Variants in EXOC3L2 observed in about 807,000 individuals in gnomAD.
EXOC3L2 encodes exocyst complex component 3 like 2.
EXOC3L2 carries 17 observed loss-of-function variants against 44.4 expected under a neutral mutation model. The ratio of observed to expected loss-of-function variants is 0.38; its 90% CI spans 0.26 to 0.57. The LOEUF is 0.57. EXOC3L2 is among the 20% of genes least tolerant of loss of function. EXOC3L2 has a pLI of 0.65. For missense variants in EXOC3L2, 541 were observed against 588.4 expected (o/e 0.92, Z 0.83); for synonymous variants, 256 against 253.7 (o/e 1.01, Z -0.09).
Position 45,212,866 on chromosome 19 carries a change from T to C in EXOC3L2, c.*203A>G, listed in dbSNP as rs1048871284. On this transcript the variant is annotated 3_prime_UTR_variant, in exon 12 of 12. Coordinates refer to ENST00000413988, the MANE Select transcript of EXOC3L2 (RefSeq NM_001382422.1). Reference sequence around the variant, plus strand: ...CCTCCGGCCTCAGCCTCCCAAAGTGTTGGGATTACAGGCATGAGCCACCGT... The same window carrying C: ...CCTCCGGCCTCAGCCTCCCAAAGTGCTGGGATTACAGGCATGAGCCACCGT... 3.4e-5 allele frequency: 18 copies of C among 533,998 alleles called. No homozygotes were observed. The highest frequency in any genetic ancestry group is 4.9e-5 in the Non-Finnish European group (16 of 327,088). The allele number at this position is 533,998 out of a possible 1,614,324, so 33.1% of individuals were successfully genotyped here. A position where few individuals can be genotyped will look rare whatever the true frequency, so the allele number is the denominator to read the frequency against.
At chr19:45,233,951 G>C (rs1223950705) in intron 3 of EXOC3L2, among the ~76,000 whole-genome samples, 1 of 152,170 alleles carries the variant, frequency 6.6e-6, no homozygotes, top group Admixed American at 6.5e-5. Flanking sequence ...CAGTGGTGCC[G>C]GAGCTCTTAT....
intron 10 of EXOC3L2, among the ~76,000 whole-genome samples, chr19:45,216,477 G>A (rs576630852): frequency 1.3e-5 from 2 of 152,242 alleles, no homozygotes; most frequent in Admixed American, 1.3e-4. Context: ...TACTCAGGAG[G>A]CTGAAGCAGG....
At chr19:45,237,321 G>A (rs1267611022) in intron 2 of EXOC3L2, among the ~76,000 whole-genome samples, 3 of 152,090 alleles carry the variant, frequency 2.0e-5, no homozygotes, top group South Asian at 4.2e-4. Flanking sequence ...GCAACATAGC[G>A]AGACCCCCAT....
chr19:45,218,286 G>A lies in EXOC3L2; in HGVS notation c.1753C>T (p.Leu585=). 6.2e-7 allele frequency: 1 copy of A among 1,608,328 alleles called. No homozygotes were observed. Among genetic ancestry groups the A allele is most frequent in the South Asian group, 1.1e-5 (1 of 90,266 alleles). ...CCATCCAGGGCCTCCGGGCTGCTCA[G>A]CCACTTCCGGCGCATCAGCTTGTTG... ...HFNKLMRRKW[L]SSPEALDGIV... Residue 585 remains leucine, a synonymous_variant, in exon 9 of 12, where the codon CTG becomes TTG. Coordinates refer to ENST00000413988, the MANE Select transcript of EXOC3L2 (RefSeq NM_001382422.1).
At chr19:45,221,964 A>AACC (rs1468615020) in intron 8 of EXOC3L2, among the ~76,000 whole-genome samples, 1 of 150,196 alleles carries the variant, frequency 6.7e-6, no homozygotes, top group African/African-American at 2.5e-5. Context: ...CTGTTTTCTG[A>AACC]ACCTCCAAAA....
chr19:45,214,520 A>G (rs1969813307), intron 11 of EXOC3L2, among the ~76,000 whole-genome samples: 1 of 152,134 alleles, frequency 6.6e-6, no homozygotes, highest in African/African-American at 2.4e-5. Flanking sequence ...GCTGGAGTGC[A>G]GTGGCGCGAT....
chr19:45,244,572 C>T (rs781686792), intron 1 of EXOC3L2, among the ~76,000 whole-genome samples: 7 of 152,128 alleles, frequency 4.6e-5, no homozygotes, highest in Non-Finnish European at 1.0e-4. Context: ...CCCTGACTCA[C>T]TTCCGAGGCA....
At position 45,238,974 on chromosome 19, in the gene EXOC3L2, G is replaced by C; in HGVS notation, c.72C>G (p.Ser24=). The C allele has an allele frequency of 2.5e-6, 1 of 399,098 alleles. No homozygotes were observed. Among genetic ancestry groups the C allele is most frequent in the Non-Finnish European group, 4.4e-6 (1 of 226,120 alleles). The allele number at this position is 399,098 out of a possible 1,614,324, so 24.7% of individuals were successfully genotyped here. Residue 24 remains serine (S), a synonymous_variant, in exon 2 of 12, where the codon TCC becomes TCG. Transcript: ENST00000413988. The surrounding 1 kb of genome is among the most constrained non-coding windows in gnomAD (Gnocchi z 5.5). ...VPRAGTLPLR[S]SRNPFEEVSG... is the part of the protein sequence containing the mutation. ...AAACTTCTTCAAAGGGGTTCCGAGA[G>C]GACCTCAGGGGCAGGGTCCCCGCCC...
rs1279526420 is a variant in EXOC3L2 at position 45,217,682 on chromosome 19, G to A, written c.1844C>T (p.Ala615Val). The change falls in exon 10 of 12, where the codon GCG becomes GTG. Residue 615 changes from alanine (A) to valine (V), a missense_variant and splice_region_variant. Coordinates refer to ENST00000413988, the MANE Select transcript of EXOC3L2 (RefSeq NM_001382422.1). Reference protein sequence around the residue: ...LRRMQDEPYQALVAELHRRAL... With the variant: ...LRRMQDEPYQVLVAELHRRAL... ...CCGCCGGTGTAGCTCGGCTACCAGC[G>A]CCTGGAGGCGGAGGAGGGAAACCCG... The A allele has an allele frequency of 2.1e-6, 3 of 1,399,094 alleles. No homozygotes were observed. The highest frequency in any genetic ancestry group is 1.5e-5 in the African/African-American group (1 of 65,504). 86.7% of individuals were successfully genotyped at this position (1,399,094 alleles called of 1,614,324 possible). A position where few individuals can be genotyped will look rare whatever the true frequency, so the allele number is the denominator to read the frequency against.
chr19:45,239,705 G>A (rs1221461475), intron 1 of EXOC3L2, among the ~76,000 whole-genome samples: 1 of 151,750 alleles, frequency 6.6e-6, no homozygotes, highest in East Asian at 1.9e-4. Context: ...ATTTTTAGTA[G>A]ATATGTGGTT....
intron 2 of EXOC3L2, among the ~76,000 whole-genome samples, chr19:45,236,326 C>G (rs1371339657): frequency 6.6e-6 from 1 of 151,698 alleles, no homozygotes; most frequent in Non-Finnish European, 1.5e-5. Context: ...ATTAGCCAGG[C>G]ATGGTGGTGC....
At chr19:45,218,427 T>A in intron 8 of EXOC3L2, 108 bp from the exon 9 acceptor site, 1 of 1,319,592 alleles carries the variant, frequency 7.6e-7, no homozygotes, top group Non-Finnish European at 9.8e-7. Context: ...GGCTGTGCGG[T>A]GCTGGGAACA....
At chr19:45,218,634 C>T (rs909283125) in intron 8 of EXOC3L2, among the ~76,000 whole-genome samples, 1 of 152,084 alleles carries the variant, frequency 6.6e-6, no homozygotes, top group South Asian at 2.1e-4. Context: ...GACACCGGAA[C>T]TGAGGCCCTG....
chr19:45,220,802 C>T (rs74444899), intron 8 of EXOC3L2, among the ~76,000 whole-genome samples: 2,149 of 150,882 alleles, frequency 0.014, 29 homozygotes, highest in Non-Finnish European at 0.023. Context: ...TGTGCTTTAC[C>T]GAGATGGGAG....
intron 11 of EXOC3L2, 148 bp from the exon 12 acceptor site, chr19:45,213,505 C>A: frequency 3.5e-6 from 3 of 853,980 alleles, no homozygotes; most frequent in South Asian, 1.8e-5. Flanking sequence ...GCCTTCCCTC[C>A]AATCAGCTCC....
chr19:45,240,511 T>C (rs1568485213), intron 1 of EXOC3L2, among the ~76,000 whole-genome samples: 1 of 151,928 alleles, frequency 6.6e-6, no homozygotes, highest in African/African-American at 2.4e-5. Context: ...AGGGTTTCCT[T>C]TTGGGGAAAG....
At chr19:45,216,532 C>G (rs10415392) in intron 10 of EXOC3L2, 2 of 175,058 alleles carry the variant, frequency 1.1e-5, no homozygotes, top group African/African-American at 4.8e-5. Context: ...TGAGCGGAGA[C>G]TGCACCACTG....
At chr19:45,242,915 C>A (rs1970142059) in intron 1 of EXOC3L2, among the ~76,000 whole-genome samples, 2 of 151,762 alleles carry the variant, frequency 1.3e-5, no homozygotes, top group African/African-American at 4.8e-5. Flanking sequence ...CCTCCTGCCA[C>A]CTCTCCTGGT....
Position 45,238,502 on chromosome 19 carries a change from G to T in EXOC3L2, c.523+21C>A, listed in dbSNP as rs1314114518. ...TGGGCACTGGGATTCTCCCAGGACA[G>T]GGTCAGGGCTCCGGACTCACCTGAC... On this transcript the variant is annotated intron_variant, in intron 2 of 11. Coordinates refer to ENST00000413988, the MANE Select transcript of EXOC3L2 (RefSeq NM_001382422.1). This position sits in a 1 kb window ranked among gnomAD's most constrained non-coding sequence, Gnocchi z 5.5. 2.8e-5 allele frequency: 11 copies of T among 399,416 alleles called. No homozygotes were observed. The highest frequency in any genetic ancestry group is 4.9e-5 in the Non-Finnish European group (11 of 226,226). The allele number at this position is 399,416 out of a possible 1,614,324, so 24.7% of individuals were successfully genotyped here. A position where few individuals can be genotyped will look rare whatever the true frequency, so the allele number is the denominator to read the frequency against.
Sources: allele counts gnomAD v4.1 joint callset (sites outside exome capture counted in the v4.1 genomes callset), GRCh38; gene constraint gnomAD v4.1.1; non-coding constraint Gnocchi (gnomAD v3.1); transcripts MANE v1.5; gene names NCBI Gene and HGNC (gene_info 2026-07-23, HGNC 2026-07-21).